Variants in MRO observed in about 807,000 individuals in gnomAD.
MRO encodes protein maestro.
In MRO, 28 loss-of-function variants were observed where a neutral mutation model predicts 31.0. That is an observed-to-expected ratio of 0.90 (90% CI 0.67 to 1.24). The LOEUF is 1.24. Ranked by LOEUF, MRO falls within the 50% of genes most tolerant of loss-of-function variation. The pLI is 0.00. For synonymous variants in MRO, 108 were observed against 108.4 expected, an observed-to-expected ratio of 1.00 and a Z score of 0.02; for missense variants, 332 against 289.2, an observed-to-expected ratio of 1.15 and a Z score of -1.07.
At chr18:50,809,907 C>G (rs1914321850) in intron 2 of MRO, among the ~76,000 whole-genome samples, 1 of 152,200 alleles carries the variant, frequency 6.6e-6, no homozygotes. Flanking sequence ...CAAAGGATAG[C>G]CACCATAGCA....
At position 50,795,951 on chromosome 18, in the gene MRO, T is replaced by G. The variant is rs1912756468; in HGVS notation, c.*3386A>C. 6.6e-6 allele frequency: 1 copy of G among 151,768 alleles called. No homozygotes were observed. Among genetic ancestry groups the G allele is most frequent in the African/African-American group, 2.4e-5 (1 of 41,292 alleles). The allele number at this position is 151,768 out of a possible 1,614,324, so 9.4% of individuals were successfully genotyped here. ...TGAGGCTCCATCTCAAAAATAAAAA[T>G]AAAGAAAGAAAGACCTATCTCATGA... is the stretch of plus-strand genomic sequence containing the variant. On this transcript the variant is annotated 3_prime_UTR_variant, in exon 8 of 8. Coordinates refer to ENST00000398439, the MANE Select transcript of MRO (RefSeq NM_031939.6).
upstream of MRO, among the ~76,000 whole-genome samples, chr18:50,824,708 C>A (rs1287238521): frequency 6.7e-6 from 1 of 149,590 alleles, no homozygotes; most frequent in East Asian, 2.0e-4. Flanking sequence ...CCCACCTCGG[C>A]CTCCCAAAGT....
At chr18:50,813,492 C>G (rs1372487687) in intron 2 of MRO, among the ~76,000 whole-genome samples, 1 of 152,236 alleles carries the variant, frequency 6.6e-6, no homozygotes, top group African/African-American at 2.4e-5. Flanking sequence ...ATTCCCAGGC[C>G]TAGGCCCCAG....
chr18:50,799,284 C>T lies in MRO; in HGVS notation c.*53G>A. ...CATCCAGTGAGATAAAACAGGGGAACATGATGGCTCAGCAATGCACTCATA... is the reference window on the plus strand; with the variant it reads ...CATCCAGTGAGATAAAACAGGGGAATATGATGGCTCAGCAATGCACTCATA... On this transcript the variant is annotated 3_prime_UTR_variant, in exon 8 of 8. Transcript: ENST00000398439. The T allele has an allele frequency of 6.8e-7, 1 of 1,469,962 alleles. No homozygotes were observed. Among genetic ancestry groups the T allele is most frequent in the Admixed American group, 1.7e-5 (1 of 59,788 alleles). The allele number at this position is 1,469,962 out of a possible 1,614,324, so 91.1% of individuals were successfully genotyped here. A position where few individuals can be genotyped will look rare whatever the true frequency, so the allele number is the denominator to read the frequency against.
intron 7 of MRO, among the ~76,000 whole-genome samples, chr18:50,799,668 T>C (rs1913102124): frequency 6.6e-6 from 1 of 152,162 alleles, no homozygotes; most frequent in South Asian, 2.1e-4. Context: ...CCCAGTACTT[T>C]GGGAGGCTGA....
chr18:50,804,145 T>G (rs1913685726), intron 5 of MRO, among the ~76,000 whole-genome samples: 1 of 150,848 alleles, frequency 6.6e-6, no homozygotes, highest in South Asian at 2.1e-4. Flanking sequence ...ACAGTGCCCA[T>G]CTCACAGGGT....
chr18:50,817,522 C>T (rs4940022), intron 2 of MRO, among the ~76,000 whole-genome samples: 94,054 of 151,516 alleles, frequency 0.62, 29,372 homozygotes, highest in Middle Eastern at 0.71. Flanking sequence ...ATAATAATAA[C>T]AATAAACTCC....
At chr18:50,821,495 T>C (rs1915300984), upstream of MRO, among the ~76,000 whole-genome samples, 1 of 152,130 alleles carries the variant, frequency 6.6e-6, no homozygotes. Context: ...AACTAATCCA[T>C]GTAGTGCTTA....
chr18:50,818,312 C>T (rs1000888545), intron 2 of MRO, among the ~76,000 whole-genome samples: 12 of 152,172 alleles, frequency 7.9e-5, no homozygotes, highest in African/African-American at 2.7e-4. Context: ...CAGGAGGTCA[C>T]CTGGCCATTT....
intron 5 of MRO, 42 bp downstream of exon 5, chr18:50,805,112 C>T: frequency 6.5e-7 from 1 of 1,534,710 alleles, no homozygotes; most frequent in Non-Finnish European, 9.0e-7. Flanking sequence ...TTTCTAAGCC[C>T]ATTTTGATTT....
intron 3 of MRO, among the ~76,000 whole-genome samples, chr18:50,807,231 T>C (rs1914032791): frequency 6.6e-6 from 1 of 152,110 alleles, no homozygotes; most frequent in South Asian, 2.1e-4. Flanking sequence ...AGAGCTCCCT[T>C]TACCCCTTCT....
chr18:50,824,970 G>C (rs1361048700), upstream of MRO, among the ~76,000 whole-genome samples: 1 of 150,660 alleles, frequency 6.6e-6, no homozygotes, highest in Admixed American at 6.6e-5. Flanking sequence ...AGCTACTTCG[G>C]AGGCTGAGGC....
intron 6 of MRO, among the ~76,000 whole-genome samples, chr18:50,800,428 C>T (rs1913185062): frequency 6.6e-6 from 1 of 152,216 alleles, no homozygotes; most frequent in South Asian, 2.1e-4. Context: ...TAATCTCTCT[C>T]TCAGTAACTT....
At chr18:50,805,379 TC>T in intron 4 of MRO, 43 bp from the exon 5 acceptor site, 1 of 1,565,012 alleles carries the variant, frequency 6.4e-7, no homozygotes, top group Non-Finnish European at 8.7e-7. Flanking sequence ...CAGGAACTGC[TC>T]CCCATAGGTT....
chr18:50,802,206 T>C (rs1178861589), intron 5 of MRO, among the ~76,000 whole-genome samples: 10 of 152,212 alleles, frequency 6.6e-5, no homozygotes, highest in Admixed American at 5.9e-4. Flanking sequence ...TTTTGCCAAG[T>C]CTCTTCTCTT....
upstream of MRO, among the ~76,000 whole-genome samples, chr18:50,822,282 T>TCC (rs1915328651): frequency 2.0e-5 from 3 of 150,626 alleles, no homozygotes; most frequent in South Asian, 2.1e-4. Flanking sequence ...CAATTCACCT[T>TCC]GTATGTGAAT....
At chr18:50,806,663 G>C in intron 4 of MRO, 41 bp downstream of exon 4, 1 of 1,612,124 alleles carries the variant, frequency 6.2e-7, no homozygotes, top group Non-Finnish European at 8.5e-7. Flanking sequence ...GGTGGTTGGA[G>C]AGGCTTGGGG....
intron 1 of MRO, 93 bp downstream of exon 1, chr18:50,819,804 T>A (rs1183983445): frequency 5.8e-6 from 9 of 1,541,174 alleles, no homozygotes; most frequent in Non-Finnish European, 7.9e-6. Flanking sequence ...GAGGGGAAAG[T>A]CAAAGTTTAT....
At chr18:50,823,112 A>C (rs1915368838), upstream of MRO, among the ~76,000 whole-genome samples, 1 of 152,118 alleles carries the variant, frequency 6.6e-6, no homozygotes, top group Non-Finnish European at 1.5e-5. Flanking sequence ...AGGCAGGCCC[A>C]GCGAGAACAC....
Sources: gnomAD v4.1 joint callset for allele counts (sites outside exome capture counted in the v4.1 genomes callset) on GRCh38, gnomAD v4.1.1 for gene constraint, MANE v1.5 for transcripts, NCBI Gene and HGNC (gene_info 2026-07-23, HGNC 2026-07-21) for gene names.